The following SLC12A8 variants were observed in gnomAD, a reference collection of about 807,000 sequenced individuals.
SLC12A8 encodes solute carrier family 12 member 8.
A neutral mutation model predicts 75.6 loss-of-function variants in SLC12A8; 69 were observed. That is an observed-to-expected ratio of 0.91 (90% CI 0.75 to 1.11). SLC12A8 has a LOEUF of 1.11. Among genes scored for constraint, SLC12A8 ranks in the 50% most tolerant of loss-of-function variants. The probability of loss-of-function intolerance (pLI) is 0.00; values close to 1 mark genes in which losing one functional copy is unlikely to be tolerated. For synonymous variants in SLC12A8, 365 were observed against 372.8 expected (o/e 0.98, Z 0.24); for missense variants, 877 against 896.7 (o/e 0.98, Z 0.28).
Position 125,187,220 on chromosome 3 carries a change from C to G in SLC12A8, c.390+17G>C. ...CAGAGGGCCAGGCAGGGGAAGCATCCCGGGCGCAGGCCTCACCTGTCCAAA... is the reference window on the plus strand; with the variant it reads ...CAGAGGGCCAGGCAGGGGAAGCATCGCGGGCGCAGGCCTCACCTGTCCAAA... On this transcript the variant is annotated intron_variant, in intron 4 of 13. Transcript: ENST00000469902. 2 of 1,607,088 alleles carry G rather than the reference C, an allele frequency of 1.2e-6. No homozygotes were observed. The highest frequency in any genetic ancestry group is 1.7e-6 in the Non-Finnish European group (2 of 1,174,232).
At chr3:125,177,363 T>C (rs938523340) in intron 5 of SLC12A8, among the ~76,000 whole-genome samples, 1 of 150,558 alleles carries the variant, frequency 6.6e-6, no homozygotes, top group Non-Finnish European at 1.5e-5. Flanking sequence ...TTAGGAGATA[T>C]ACCTAATGTA....
chr3:125,104,848 G>T (rs895309087), intron 10 of SLC12A8, among the ~76,000 whole-genome samples: 6 of 152,028 alleles, frequency 3.9e-5, no homozygotes, highest in African/African-American at 1.2e-4. Flanking sequence ...TCTAGTGCCT[G>T]GAATATAAAT....
At chr3:125,191,886 G>A (rs1934916183) in intron 2 of SLC12A8, among the ~76,000 whole-genome samples, 1 of 152,204 alleles carries the variant, frequency 6.6e-6, no homozygotes, top group African/African-American at 2.4e-5. Flanking sequence ...CTTCATTTAT[G>A]CATGTACATG....
At chr3:125,178,594 T>C (rs1579527383) in intron 4 of SLC12A8, among the ~76,000 whole-genome samples, 1 of 152,346 alleles carries the variant, frequency 6.6e-6, no homozygotes, top group East Asian at 1.9e-4. Context: ...CATGTTACCT[T>C]ATGGATTTTT....
chr3:125,144,887 T>A (rs1933734570), intron 5 of SLC12A8, among the ~76,000 whole-genome samples: 1 of 151,674 alleles, frequency 6.6e-6, no homozygotes, highest in African/African-American at 2.4e-5. Context: ...CACACCGATA[T>A]GTAAGCAGAG....
intron 10 of SLC12A8, among the ~76,000 whole-genome samples, chr3:125,106,640 C>T (rs575928268): frequency 3.7e-4 from 57 of 152,208 alleles, no homozygotes; most frequent in Middle Eastern, 6.8e-3. Context: ...CGTGAGCCAC[C>T]GCGCCCGGCC....
At chr3:125,199,000 G>C (rs376232010) in intron 2 of SLC12A8, among the ~76,000 whole-genome samples, 28 of 151,910 alleles carry the variant, frequency 1.8e-4, no homozygotes, top group African/African-American at 5.1e-4. Flanking sequence ...GGATGGTCTC[G>C]ATCTCCTGAC....
intron 5 of SLC12A8, among the ~76,000 whole-genome samples, chr3:125,162,171 T>C (rs993276032): frequency 1.3e-5 from 2 of 152,254 alleles, no homozygotes; most frequent in Non-Finnish European, 2.9e-5. Flanking sequence ...TCTCCACACC[T>C]CCATGTGGGT....
At chr3:125,163,769 A>T (rs1469674034) in intron 5 of SLC12A8, among the ~76,000 whole-genome samples, 1 of 152,224 alleles carries the variant, frequency 6.6e-6, no homozygotes, top group Non-Finnish European at 1.5e-5. Context: ...AAAGGGGCAG[A>T]AATTCTCCCT....
At chr3:125,085,957 C>A (rs774396247) in intron 13 of SLC12A8, among the ~76,000 whole-genome samples, 5 of 150,578 alleles carry the variant, frequency 3.3e-5, no homozygotes, top group Admixed American at 3.3e-4. Context: ...CAGACTGGAG[C>A]GCAATGGTGC....
intron 10 of SLC12A8, among the ~76,000 whole-genome samples, chr3:125,097,153 G>A (rs938269985): frequency 4.9e-4 from 74 of 152,120 alleles, no homozygotes; most frequent in African/African-American, 1.8e-3. Flanking sequence ...GCGAGGCCAA[G>A]GGGCAGGTGC....
chr3:125,135,808 G>A (rs373066103), intron 5 of SLC12A8, 26 bp from the exon 6 acceptor site: 7 of 1,367,576 alleles, frequency 5.1e-6, no homozygotes, highest in South Asian at 1.3e-5. Context: ...GGAGAGCAAC[G>A]TAAGCCCAGT....
chr3:125,111,579 T>C (rs1939188012), intron 8 of SLC12A8, among the ~76,000 whole-genome samples: 1 of 152,118 alleles, frequency 6.6e-6, no homozygotes, highest in African/African-American at 2.4e-5. Context: ...TGCTTACAGA[T>C]AGGTTAGAGT....
intron 6 of SLC12A8, among the ~76,000 whole-genome samples, chr3:125,128,016 A>G (rs1219578196): frequency 6.6e-6 from 1 of 151,660 alleles, no homozygotes; most frequent in African/African-American, 2.4e-5. Flanking sequence ...AGCTGGGACT[A>G]CAGGCATGTA....
At position 125,211,385 on chromosome 3, in the gene SLC12A8, G is replaced by A. The variant is rs771630885; in HGVS notation, c.-36C>T. The A allele has an allele frequency of 2.1e-5, 34 of 1,585,330 alleles. No homozygotes were observed. The Middle Eastern group carries it at 8.3e-4, about 39-fold the overall frequency. ...GCAGGGATCCTGGTGATCTGGACAGGGAGACTGCTCTGGAAGGTAACAGCA... is the reference window on the plus strand; with the variant it reads ...GCAGGGATCCTGGTGATCTGGACAGAGAGACTGCTCTGGAAGGTAACAGCA... On this transcript the variant is annotated 5_prime_UTR_variant, in exon 2 of 14. Coordinates refer to ENST00000469902, the MANE Select transcript of SLC12A8 (RefSeq NM_024628.6).
chr3:125,111,946 C>A (rs373664415), intron 8 of SLC12A8, among the ~76,000 whole-genome samples: 3 of 152,218 alleles, frequency 2.0e-5, no homozygotes, highest in Non-Finnish European at 4.4e-5. Flanking sequence ...CAGGATGCTG[C>A]CAACACCCCT....
In SLC12A8 at chr3:125,188,501, C is replaced by T. The variant is rs76947892; in HGVS notation, c.199-1073G>A. Among the ~76,000 whole-genome samples, 315 of 152,186 alleles carry T rather than the reference C, an allele frequency of 2.1e-3. 2 individuals carry two copies. The East Asian group carries it at 0.032, about 15-fold the overall frequency. On this transcript the variant is annotated intron_variant, in intron 3 of 13. Transcript: ENST00000469902. ...AGGTGTTCATTAAATGCTTGTTGAG[C>T]GAATAAACAAACCATGCATGGCTGG... is the stretch of plus-strand genomic sequence containing the variant.
At chr3:125,141,696 G>GCGGA in intron 5 of SLC12A8, among the ~76,000 whole-genome samples, 1 of 149,528 alleles carries the variant, frequency 6.7e-6, no homozygotes, top group African/African-American at 2.5e-5. Flanking sequence ...CGGGCTGCGG[G>GCGGA]CTGCGGGCTG....
intron 13 of SLC12A8, among the ~76,000 whole-genome samples, chr3:125,084,330 AAG>A (rs1938404774): frequency 6.6e-6 from 1 of 152,146 alleles, no homozygotes; most frequent in African/African-American, 2.4e-5. Flanking sequence ...ATAACCAACA[AAG>A]AGAGGTTTTG....
Sources: gnomAD v4.1 joint callset for allele counts (sites outside exome capture counted in the v4.1 genomes callset) on GRCh38, gnomAD v4.1.1 for gene constraint, MANE v1.5 for transcripts, NCBI Gene and HGNC (gene_info 2026-07-23, HGNC 2026-07-21) for gene names.